INCENP: variants seen among roughly 807,000 people sequenced by gnomAD.
INCENP encodes binds and activates aurora-B and -C in vivo and in vitro.
Under a neutral mutation model 107.3 loss-of-function variants are expected in INCENP, and 43 were observed. The ratio of observed to expected loss-of-function variants is 0.40; its 90% confidence interval spans 0.31 to 0.52. The LOEUF (loss-of-function observed/expected upper bound fraction) is 0.52, where lower values mean the gene tolerates loss of function less well. Among genes scored for constraint, INCENP ranks in the 20% least tolerant of loss-of-function variants. The pLI, the probability that INCENP is intolerant of heterozygous loss-of-function variation, is 0.53. For synonymous variants in INCENP, 488 were observed against 494.4 expected (o/e 0.99, Z 0.17); for missense variants, 1,089 against 1,250.9 (o/e 0.87, Z 1.95).
rs370548878 is a variant in INCENP, at chr11:62,151,294, C to T, written c.2543-468C>T. Reference sequence around the variant, plus strand: ...CCGTTGTCAGGACTGTGCCTTCCCACATCCACTGCCCAGAGGCCCCCTCAG... The same window carrying T: ...CCGTTGTCAGGACTGTGCCTTCCCATATCCACTGCCCAGAGGCCCCCTCAG... On this transcript the variant is annotated intron_variant, in intron 18 of 18. Transcript: ENST00000394818. 9.8e-5 allele frequency among the ~76,000 whole-genome samples: 15 copies of T among 152,342 alleles called. No individual in the cohort carries two copies. The South Asian group carries it at 3.1e-3, about 32-fold the overall frequency.
intron 4 of INCENP, among the ~76,000 whole-genome samples, chr11:62,133,966 T>C (rs1275764641): frequency 1.3e-5 from 2 of 152,302 alleles, no homozygotes; most frequent in Non-Finnish European, 2.9e-5. Flanking sequence ...CAAGCCCCCA[T>C]GGCTCAGGAT....
rs1467427559 is a variant in INCENP at position 62,128,984 on chromosome 11, C to G, written c.254+101C>G. On this transcript the variant is annotated intron_variant, in intron 3 of 18. Transcript: ENST00000394818. ...GAAGGTGTTGATTTGGAAGTAGCAG[C>G]CTGTAGGAGGGGTGGTGGGTACCAC... The G allele has an allele frequency of 7.5e-6, 6 of 799,610 alleles. No homozygotes were observed. The Admixed American group carries it at 1.0e-4, about 14-fold the overall frequency. 49.5% of individuals were successfully genotyped at this position (799,610 alleles called of 1,614,324 possible).
chr11:62,139,319 G>A (rs1315466526), intron 7 of INCENP, among the ~76,000 whole-genome samples: 1 of 152,134 alleles, frequency 6.6e-6, no homozygotes, highest in Non-Finnish European at 1.5e-5. Flanking sequence ...AGGGGCCAGT[G>A]GGAAGAGCTG....
Position 62,141,511 on chromosome 11 carries a change from C to A in INCENP, c.1605C>A (p.Val535=). 1.2e-6 allele frequency: 2 copies of A among 1,614,046 alleles called. No homozygotes were observed. Among genetic ancestry groups the A allele is most frequent in the Non-Finnish European group, 1.7e-6 (2 of 1,179,890 alleles). ...PLRMDPKCSF[V]EKERQRLENL... Reference sequence around the variant, plus strand: ...TGTCTCCTCCACAGTGCAGCTTCGTCGTAAGTAAAGCCTTTTCCTGTCGGT... The same window carrying A: ...TGTCTCCTCCACAGTGCAGCTTCGTAGTAAGTAAAGCCTTTTCCTGTCGGT... Residue 535 remains valine (V), a splice_region_variant and synonymous_variant, in exon 11 of 19, where the codon GTC becomes GTA. Transcript: ENST00000394818.
At position 62,145,182 on chromosome 11, in the gene INCENP, C is replaced by CG; in HGVS notation, c.1730dup (p.Leu578ProfsTer23). 1 of 1,614,132 alleles carries CG rather than the reference C, an allele frequency of 6.2e-7. No homozygotes were observed. Among genetic ancestry groups the CG allele is most frequent in the Non-Finnish European group, 8.5e-7 (1 of 1,180,026 alleles). On this transcript the variant is annotated frameshift_variant, in exon 13 of 19. Coordinates refer to ENST00000394818, the MANE Select transcript of INCENP (RefSeq NM_001040694.2). LOFTEE classifies it high-confidence loss of function. The stretch of plus-strand genomic sequence containing the variant: ...TATGCCCCGCAGGAAGCGTGAGGAA[C>CG]GCCTCCGCAAGGTGCTGCAGGCCCG...
intron 1 of INCENP, among the ~76,000 whole-genome samples, chr11:62,126,734 C>T (rs1392905467): frequency 6.6e-6 from 1 of 152,166 alleles, no homozygotes; most frequent in Non-Finnish European, 1.5e-5. Context: ...ATGTTCAAGT[C>T]CCTGATATAA....
intron 4 of INCENP, among the ~76,000 whole-genome samples, chr11:62,133,866 T>C (rs112977116): frequency 1.5e-4 from 23 of 152,058 alleles, no homozygotes; most frequent in African/African-American, 5.3e-4. Context: ...TGGCTTCCCT[T>C]CTCTGTGCCT....
chr11:62,146,330 T>C (rs977819781), intron 14 of INCENP, among the ~76,000 whole-genome samples: 1 of 152,148 alleles, frequency 6.6e-6, no homozygotes, highest in Non-Finnish European at 1.5e-5. Context: ...CCCCATGAAG[T>C]GTAGGAATAA....
At chr11:62,139,033 G>A in intron 7 of INCENP, 28 bp downstream of exon 7, 1 of 1,531,686 alleles carries the variant, frequency 6.5e-7, no homozygotes, top group Non-Finnish European at 9.0e-7. Flanking sequence ...GCCGTGTGCA[G>A]TGCCCGGAGC....
In INCENP at chr11:62,153,079, A is replaced by C. The variant is rs903362633; in HGVS notation, c.*1103A>C. On this transcript the variant is annotated 3_prime_UTR_variant, in exon 19 of 19. Transcript: ENST00000394818. ...TAAGTTGTGCAGCAGAGGCCCCTCC[A>C]TGCAAAGCTGAATATGTTTACTATT... 1 of 152,248 alleles carries C rather than the reference A, an allele frequency of 6.6e-6. No individual in the cohort carries two copies. The highest frequency in any genetic ancestry group is 6.5e-5 in the Admixed American group (1 of 15,288). 9.4% of individuals were successfully genotyped at this position (152,248 alleles called of 1,614,324 possible).
rs1186233239 is a variant in INCENP at position 62,137,851 on chromosome 11, G to A, written c.1083G>A (p.Arg361=). 1 of 1,614,198 alleles carries A rather than the reference G, an allele frequency of 6.2e-7. No homozygotes were observed. Among genetic ancestry groups the A allele is most frequent in the Non-Finnish European group, 8.5e-7 (1 of 1,180,020 alleles). ...GRIICHSYLE[R]LLNVEVPQKV... ...CCTCAGGTCACAGTTACCTGGAGAGGCTCCTGAATGTTGAGGTGCCCCAGA... is the reference window on the plus strand; with the variant it reads ...CCTCAGGTCACAGTTACCTGGAGAGACTCCTGAATGTTGAGGTGCCCCAGA... Residue 361 remains arginine (R), a synonymous_variant, in exon 5 of 19, where the codon AGG becomes AGA. Transcript: ENST00000394818.
rs1944248864 is a variant in INCENP at position 62,146,655 on chromosome 11, CAGG to C, written c.1965_1967del (p.Glu657del). 6.4e-7 allele frequency: 1 copy of C among 1,550,718 alleles called. No homozygotes were observed. Among genetic ancestry groups the C allele is most frequent in the African/African-American group, 1.4e-5 (1 of 73,044 alleles). On this transcript the variant is annotated splice_acceptor_variant and coding_sequence_variant, in exon 15 of 19. Coordinates refer to ENST00000394818, the MANE Select transcript of INCENP (RefSeq NM_001040694.2). LOFTEE classifies it high-confidence loss of function. ...CAGCACCTGACCTTGCTCTCTGTTT[CAGG>C]AGGAGGAAGAGCGGCGGCACCAAGA...
intron 18 of INCENP, among the ~76,000 whole-genome samples, 156 bp from the exon 19 acceptor site, chr11:62,151,606 T>TG (rs996674874): frequency 1.2e-4 from 19 of 152,230 alleles, no homozygotes; most frequent in African/African-American, 4.6e-4. Flanking sequence ...GGGCGTTCTC[T>TG]GGGTTTGATG....
At chr11:62,151,299 A>G (rs1176374075) in intron 18 of INCENP, among the ~76,000 whole-genome samples, 1 of 152,128 alleles carries the variant, frequency 6.6e-6, no homozygotes, top group African/African-American at 2.4e-5. Context: ...TCCCACATCC[A>G]CTGCCCAGAG....
chr11:62,138,120 G>A (rs1944031240), intron 5 of INCENP: 1 of 589,844 alleles, frequency 1.7e-6, no homozygotes, highest in Non-Finnish European at 3.0e-6. Context: ...CTGACCCTGG[G>A]GCGTGGGCTC....
chr11:62,133,391 T>C (rs2134630197), intron 4 of INCENP, among the ~76,000 whole-genome samples: 1 of 152,144 alleles, frequency 6.6e-6, no homozygotes, highest in South Asian at 2.1e-4. Context: ...GTGGAACTGC[T>C]GTGTGTCAGC....
At chr11:62,134,735 C>T (rs1241394271) in intron 4 of INCENP, among the ~76,000 whole-genome samples, 1 of 152,104 alleles carries the variant, frequency 6.6e-6, no homozygotes, top group Non-Finnish European at 1.5e-5. Flanking sequence ...TCTGTTGTTG[C>T]ATTGTGTTGT....
intron 18 of INCENP, among the ~76,000 whole-genome samples, chr11:62,151,445 T>G (rs11230934): frequency 0.3 from 45,540 of 152,182 alleles, 7,229 homozygotes; most frequent in South Asian, 0.46. Flanking sequence ...ATTAGCTGTA[T>G]GCCTTTGGGC....
chr11:62,151,117 A>G (rs543518504), intron 18 of INCENP, among the ~76,000 whole-genome samples: 11 of 152,204 alleles, frequency 7.2e-5, no homozygotes, highest in Non-Finnish European at 1.5e-4. Flanking sequence ...TAGTTTCCTC[A>G]TCCGTGAAAG....
Sources: allele counts gnomAD v4.1 joint callset (sites outside exome capture counted in the v4.1 genomes callset), GRCh38; gene constraint gnomAD v4.1.1; transcripts MANE v1.5; gene names NCBI Gene and HGNC (gene_info 2026-07-23, HGNC 2026-07-21).